Variants in RNF44 observed in about 807,000 individuals in gnomAD.
The protein encoded by RNF44 is ring finger protein 44.
RNF44 carries 25 observed loss-of-function variants against 53.6 expected under a neutral mutation model. The observed-to-expected ratio is 0.47, with a 90% CI of 0.34 to 0.65. The LOEUF (loss-of-function observed/expected upper bound fraction) is 0.65. RNF44 is among the 30% of genes least tolerant of loss of function. The probability of loss-of-function intolerance (pLI) is 0.01; values close to 1 mark genes in which losing one functional copy is unlikely to be tolerated. For missense variants in RNF44, 581 were observed against 595.5 expected (o/e 0.98, Z 0.25); for synonymous variants, 282 against 252.2 (o/e 1.12, Z -1.12).
chr5:176,535,805 C>T (rs1001254230), intron 1 of RNF44, among the ~76,000 whole-genome samples: 1 of 152,196 alleles, frequency 6.6e-6, no homozygotes, highest in Non-Finnish European at 1.5e-5. Context: ...GTGGCCTCCC[C>T]TAACAACTGC....
rs940113777 is a variant in RNF44 at position 176,529,753 on chromosome 5, T to C, written c.992A>G (p.Asp331Gly). 20 of 1,612,290 alleles carry C rather than the reference T, an allele frequency of 1.2e-5. No individual in the cohort carries two copies. Among genetic ancestry groups the C allele is most frequent in the Non-Finnish European group, 1.7e-5 (20 of 1,179,156 alleles). Residue 331 changes from aspartate (D) to glycine (G), a missense_variant, in exon 8 of 11, where the codon GAT becomes GGT. Transcript: ENST00000274811. ...GACCTCATAGTTCTCCATCTCCACA[T>C]CATCCACGTCCAGGTCCAGGCTGAT... ...PTISLDLDVD[D>G]VEMENYEALL...
At chr5:176,538,952 T>C (rs1254801037), upstream of RNF44, among the ~76,000 whole-genome samples, 5 of 152,244 alleles carry the variant, frequency 3.3e-5, no homozygotes, top group African/African-American at 1.2e-4. Flanking sequence ...ACATTAGCTC[T>C]TTTTTAAAAA....
Position 176,531,627 on chromosome 5 carries a change from G to A in RNF44, c.301C>T (p.His101Tyr). ...PFMVDLHEQV[H>Y]QGPVPLSYTV... ...TAGGACAGAGGGACAGGTCCCTGGT[G>A]CACCTGTGGGTGGAGAGAACGCCGG... Residue 101 changes from histidine (H) to tyrosine (Y), a missense_variant, in exon 4 of 11, where the codon CAC becomes TAC. Physicochemically the swap from His to Tyr is moderately conservative, Grantham distance 83 (BLOSUM62 2). Coordinates refer to ENST00000274811, the MANE Select transcript of RNF44 (RefSeq NM_014901.5). This position sits in a 1 kb window ranked among gnomAD's most constrained non-coding sequence, Gnocchi z 4.2. 6.2e-7 allele frequency: 1 copy of A among 1,608,342 alleles called. No individual in the cohort carries two copies. Among genetic ancestry groups the A allele is most frequent in the Non-Finnish European group, 8.5e-7 (1 of 1,176,674 alleles).
chr5:176,541,546 C>T (rs541107510), upstream of RNF44, among the ~76,000 whole-genome samples: 248 of 152,208 alleles, frequency 1.6e-3, 1 homozygote, highest in African/African-American at 5.7e-3. Flanking sequence ...AAAGTTTGAT[C>T]CTTCCAGCAC....
chr5:176,536,189 T>C (rs1413042118), intron 1 of RNF44: 1 of 152,180 alleles, frequency 6.6e-6, no homozygotes, highest in Non-Finnish European at 1.5e-5. Flanking sequence ...CAACGTGTGG[T>C]GCCTGGAGGC....
chr5:176,529,926 G>C, intron 7 of RNF44, 108 bp from the exon 8 acceptor site: 1 of 1,397,450 alleles, frequency 7.2e-7, no homozygotes. Flanking sequence ...GTTGCAGCGG[G>C]GAAGGGAGCC....
At chr5:176,539,402 C>G (rs957559654), upstream of RNF44, among the ~76,000 whole-genome samples, 2 of 152,204 alleles carry the variant, frequency 1.3e-5, no homozygotes, top group Non-Finnish European at 2.9e-5. Flanking sequence ...TGAAAACCCT[C>G]CCCATGGCCG....
intron 1 of RNF44, among the ~76,000 whole-genome samples, chr5:176,532,763 A>AAAAAAAAAAAAG (rs1358353368): frequency 3.5e-4 from 50 of 141,888 alleles, no homozygotes; most frequent in African/African-American, 1.2e-3. Context: ...AAAAAAAAAA[A>AAAAAAAAAAAAG]AAAGAAAGAA....
In RNF44 at chr5:176,529,767, G is replaced by A; in HGVS notation, c.978C>T (p.Asp326=). The A allele has an allele frequency of 1.2e-6, 2 of 1,612,276 alleles. No individual in the cohort carries two copies. The highest frequency in any genetic ancestry group is 1.3e-5 in the African/African-American group (1 of 75,020). Residue 326 remains aspartate, a synonymous_variant, in exon 8 of 11, where the codon GAC becomes GAT. Transcript: ENST00000274811. The stretch of plus-strand genomic sequence containing the variant: ...CCATCTCCACATCATCCACGTCCAG[G>A]TCCAGGCTGATGGTGGGCCCCATTG... ...PTAMGPTISL[D]LDVDDVEMEN...
chr5:176,538,149 G>T (rs535600326), upstream of RNF44: 1 of 152,230 alleles, frequency 6.6e-6, no homozygotes, highest in Non-Finnish European at 1.5e-5. Flanking sequence ...AAAAGTGCAG[G>T]CGCTGGGCGC....
Position 176,529,778 on chromosome 5 carries a change from T to G in RNF44, c.967A>C (p.Ile323Leu). ...PMSPTAMGPT[I>L]SLDLDVDDVE... is the part of the protein sequence containing the mutation. The stretch of plus-strand genomic sequence containing the variant: ...TCATCCACGTCCAGGTCCAGGCTGA[T>G]GGTGGGCCCCATTGCTGTTGGTGAC... Residue 323 changes from isoleucine (I) to leucine (L), a missense_variant, in exon 8 of 11, where the codon ATC (isoleucine) becomes CTC (leucine). This residue lies in a region of RNF44 where 183 missense variants were observed against 198.6 expected (regional missense o/e 0.92). Coordinates refer to ENST00000274811, the MANE Select transcript of RNF44 (RefSeq NM_014901.5). 6.2e-7 allele frequency: 1 copy of G among 1,611,634 alleles called. No homozygotes were observed. Among genetic ancestry groups the G allele is most frequent in the Non-Finnish European group, 8.5e-7 (1 of 1,178,774 alleles).
chr5:176,532,467 T>A lies in RNF44; in HGVS notation c.6A>T (p.Arg2=). The A allele has an allele frequency of 7.4e-7, 1 of 1,350,888 alleles. No homozygotes were observed. The highest frequency in any genetic ancestry group is 1.0e-6 in the Non-Finnish European group (1 of 976,664). The allele number at this position is 1,350,888 out of a possible 1,614,324, so 83.7% of individuals were successfully genotyped here. A position where few individuals can be genotyped will look rare whatever the true frequency, so the allele number is the denominator to read the frequency against. The change falls in exon 2 of 11, where the codon CGA becomes CGT. Residue 2 remains arginine (R), a synonymous_variant. Transcript: ENST00000274811. M[R]PWALAVTRWP... The stretch of plus-strand genomic sequence containing the variant: ...ACCTAGTCACTGCCAGAGCCCATGG[T>A]CGCATCGGGGGGGCAGGGGGGTGGA...
In RNF44 at chr5:176,529,531, C is replaced by T; in HGVS notation, c.1128G>A (p.Glu376=). ...YRFNPDSHQS[E]QTLCVVCFSD... ...TGGGGCAGGGTACTCACAGCGTCTG[C>T]TCCGACTGATGGCTGTCCGGGTTAA... is the stretch of plus-strand genomic sequence containing the variant. The change falls in exon 9 of 11, where the codon GAG becomes GAA. Residue 376 remains glutamate (E), a synonymous_variant. Coordinates refer to ENST00000274811, the MANE Select transcript of RNF44 (RefSeq NM_014901.5). 6.2e-7 allele frequency: 1 copy of T among 1,614,008 alleles called. No individual in the cohort carries two copies. The highest frequency in any genetic ancestry group is 8.5e-7 in the Non-Finnish European group (1 of 1,180,024).
chr5:176,529,663 C>T lies in RNF44; in HGVS notation c.1015-19G>A, dbSNP rs201052130. 2.3e-4 allele frequency: 370 copies of T among 1,613,158 alleles called. No individual in the cohort carries two copies. Among genetic ancestry groups the T allele is most frequent in the East Asian group, 3.6e-4 (16 of 44,828 alleles). On this transcript the variant is annotated intron_variant, in intron 8 of 10. Coordinates refer to ENST00000274811, the MANE Select transcript of RNF44 (RefSeq NM_014901.5). Reference sequence around the variant, plus strand: ...GGAGGGCCTGCATGCGGGCAGGAGACGGGGTCAGCGGCGCCCAGGGCTGCA... The same window carrying T: ...GGAGGGCCTGCATGCGGGCAGGAGATGGGGTCAGCGGCGCCCAGGGCTGCA...
Position 176,532,460 on chromosome 5 carries a change from C to A in RNF44, c.13G>T (p.Ala5Ser). The A allele has an allele frequency of 6.3e-7, 1 of 1,594,868 alleles. No homozygotes were observed. The highest frequency in any genetic ancestry group is 8.5e-7 in the Non-Finnish European group (1 of 1,174,470). MRPW[A>S]LAVTRWPPSA... ...GGTGGCCACCTAGTCACTGCCAGAG[C>A]CCATGGTCGCATCGGGGGGGCAGGG... is the stretch of plus-strand genomic sequence containing the variant. Residue 5 changes from alanine to serine, a missense_variant, in exon 2 of 11, where the codon GCT becomes TCT. Coordinates refer to ENST00000274811, the MANE Select transcript of RNF44 (RefSeq NM_014901.5).
rs563942080 is a variant in RNF44, at chr5:176,531,110, G to A, written c.466-89C>T. On this transcript the variant is annotated intron_variant, in intron 4 of 10. Transcript: ENST00000274811. The surrounding 1 kb of genome is among the most constrained non-coding windows in gnomAD (Gnocchi z 4.2). ...TGCCACCCAGCAAAAGGCCCCCACC[G>A]GGCACACACCCAGCAGCTCCAGGGT... The A allele has an allele frequency of 2.1e-4, 203 of 944,516 alleles. 1 individual carries two copies. The South Asian group carries it at 3.5e-3, about 16-fold the overall frequency. 58.5% of individuals were successfully genotyped at this position (944,516 alleles called of 1,614,324 possible). A position where few individuals can be genotyped will look rare whatever the true frequency, so the allele number is the denominator to read the frequency against.
At chr5:176,534,165 C>A (rs998687934) in intron 1 of RNF44, among the ~76,000 whole-genome samples, 1 of 152,268 alleles carries the variant, frequency 6.6e-6, no homozygotes, top group African/African-American at 2.4e-5. Flanking sequence ...CAGCTCAGGG[C>A]AGGCCTGATG....
In RNF44 at chr5:176,532,496, G is replaced by T; in HGVS notation, c.-24C>A. 2.0e-6 allele frequency: 3 copies of T among 1,535,590 alleles called. No individual in the cohort carries two copies. The highest frequency in any genetic ancestry group is 2.6e-6 in the Non-Finnish European group (3 of 1,144,970). On this transcript the variant is annotated 5_prime_UTR_variant, in exon 2 of 11. Transcript: ENST00000274811. ...ATCGGGGGGGCAGGGGGGTGGAGGGGCTGGGCCGGGACTCACAACCCTAGG... is the reference window on the plus strand; with the variant it reads ...ATCGGGGGGGCAGGGGGGTGGAGGGTCTGGGCCGGGACTCACAACCCTAGG...
In RNF44 at chr5:176,531,416, C is replaced by T; in HGVS notation, c.465+47G>A. ...GGGCCCGCTGAGCCGCTGGCCTGTGCCTGGGGCTTGCAGCTGGTGGAGGAG... is the reference window on the plus strand; with the variant it reads ...GGGCCCGCTGAGCCGCTGGCCTGTGTCTGGGGCTTGCAGCTGGTGGAGGAG... On this transcript the variant is annotated intron_variant, in intron 4 of 10. Coordinates refer to ENST00000274811, the MANE Select transcript of RNF44 (RefSeq NM_014901.5). This position sits in a 1 kb window ranked among gnomAD's most constrained non-coding sequence, Gnocchi z 4.2. 3 of 1,524,732 alleles carry T rather than the reference C, an allele frequency of 2.0e-6. No individual in the cohort carries two copies. Among genetic ancestry groups the T allele is most frequent in the Non-Finnish European group, 1.8e-6 (2 of 1,134,374 alleles). The allele number at this position is 1,524,732 out of a possible 1,614,324, so 94.5% of individuals were successfully genotyped here.
Sources: gnomAD v4.1 joint callset for allele counts (sites outside exome capture counted in the v4.1 genomes callset) on GRCh38, gnomAD v4.1.1 for gene constraint, gnomAD v4.1.1 regional missense constraint, Gnocchi (gnomAD v3.1) non-coding constraint, MANE v1.5 for transcripts, NCBI Gene and HGNC (gene_info 2026-07-23, HGNC 2026-07-21) for gene names.